CNTNAP2: variants seen among roughly 807,000 people sequenced by gnomAD.
The protein encoded by CNTNAP2 is contactin associated protein 2.
Under a neutral mutation model 155.2 loss-of-function variants are expected in CNTNAP2, and 98 were observed. That is an observed-to-expected ratio of 0.63 (90% CI 0.54 to 0.75). The LOEUF is 0.75. Ranked by LOEUF, CNTNAP2 falls within the 30% of genes least tolerant of loss-of-function variation. The probability of loss-of-function intolerance (pLI) is 0.00; values close to 1 mark genes in which losing one functional copy is unlikely to be tolerated. For synonymous variants in CNTNAP2, 651 were observed against 631.2 expected (o/e 1.03, Z -0.47); for missense variants, 1,727 against 1,688.1 (o/e 1.02, Z -0.40).
intron 15 of CNTNAP2, among the ~76,000 whole-genome samples, chr7:148,069,588 C>T (rs1803340198): frequency 6.6e-6 from 1 of 151,970 alleles, no homozygotes; most frequent in African/African-American, 2.4e-5. Flanking sequence ...CGGTGAAACC[C>T]CGTCTCTACT....
At chr7:147,727,025 G>GTA (rs148335807) in intron 13 of CNTNAP2, among the ~76,000 whole-genome samples, 48,283 of 149,808 alleles carry the variant, frequency 0.32, 8,022 homozygotes, top group Middle Eastern at 0.46. Context: ...GTATATGTGT[G>GTA]TATATATATA....
chr7:148,281,833 T>C (rs1796977444), intron 21 of CNTNAP2, among the ~76,000 whole-genome samples: 2 of 97,214 alleles, frequency 2.1e-5, no homozygotes, highest in African/African-American at 4.1e-5. Flanking sequence ...TCACAACGTT[T>C]CCTTTTTTTT....
chr7:147,927,986 G>C (rs561411170), intron 14 of CNTNAP2, among the ~76,000 whole-genome samples: 1 of 152,166 alleles, frequency 6.6e-6, no homozygotes, highest in Non-Finnish European at 1.5e-5. Flanking sequence ...CATGTGGTGG[G>C]AGGGACCTGG....
rs558059979 is a variant in CNTNAP2 at position 146,538,883 on chromosome 7, A to T, written c.98-235388A>T. Among the ~76,000 whole-genome samples, 6 of 152,272 alleles carry T rather than the reference A, an allele frequency of 3.9e-5. No individual in the cohort carries two copies. The South Asian group carries it at 1.0e-3, about 26-fold the overall frequency. ...TTATAAAATGTAGAAAATCTAAGTT[A>T]TCAAAAGTCTGATCAGTTGTACAAG... is the stretch of plus-strand genomic sequence containing the variant. On this transcript the variant is annotated intron_variant, in intron 1 of 23. Coordinates refer to ENST00000361727, the MANE Select transcript of CNTNAP2 (RefSeq NM_014141.6).
At chr7:146,947,526 T>C (rs1269154721) in intron 3 of CNTNAP2, among the ~76,000 whole-genome samples, 1 of 131,414 alleles carries the variant, frequency 7.6e-6, no homozygotes, top group East Asian at 2.1e-4. Context: ...AGTGTGTATG[T>C]ATGTGTGTGT....
At chr7:148,019,276 T>C (rs182698811) in intron 15 of CNTNAP2, among the ~76,000 whole-genome samples, 1 of 152,314 alleles carries the variant, frequency 6.6e-6, no homozygotes, top group African/African-American at 2.4e-5. Flanking sequence ...AGCATCAGTC[T>C]GGGAATTCTC....
At chr7:146,330,633 A>C (rs1024793345) in intron 1 of CNTNAP2, among the ~76,000 whole-genome samples, 3 of 152,198 alleles carry the variant, frequency 2.0e-5, no homozygotes, top group African/African-American at 7.2e-5. Context: ...CAAACCATAC[A>C]TATATCTGGT....
At chr7:146,961,966 AG>A (rs772159086) in intron 3 of CNTNAP2, among the ~76,000 whole-genome samples, 4 of 152,178 alleles carry the variant, frequency 2.6e-5, no homozygotes, top group Admixed American at 6.5e-5. Flanking sequence ...AGGCAATTAA[AG>A]ACAATTAATG....
intron 21 of CNTNAP2, among the ~76,000 whole-genome samples, chr7:148,342,511 C>A (rs1798254135): frequency 6.6e-6 from 1 of 152,244 alleles, no homozygotes; most frequent in African/African-American, 2.4e-5. Context: ...TTGTCATCCA[C>A]TTTTCATTCT....
intron 1 of CNTNAP2, among the ~76,000 whole-genome samples, chr7:146,506,311 T>C (rs772650216): frequency 2.6e-5 from 4 of 152,214 alleles, no homozygotes; most frequent in African/African-American, 4.8e-5. Flanking sequence ...TTGTGTAACA[T>C]TGGGCAGCTG....
chr7:147,767,779 A>G (rs541084368), intron 13 of CNTNAP2, among the ~76,000 whole-genome samples: 2 of 152,194 alleles, frequency 1.3e-5, no homozygotes, highest in South Asian at 4.1e-4. Context: ...CTTTTCAGAG[A>G]AACAAAGGCT....
At chr7:147,100,655 G>A (rs1342229012) in intron 4 of CNTNAP2, among the ~76,000 whole-genome samples, 1 of 152,182 alleles carries the variant, frequency 6.6e-6, no homozygotes, top group African/African-American at 2.4e-5. Flanking sequence ...TAAGAGTTGT[G>A]TAGCCTTAAA....
At chr7:147,125,914 C>T (rs983210419) in intron 6 of CNTNAP2, among the ~76,000 whole-genome samples, 2 of 152,150 alleles carry the variant, frequency 1.3e-5, no homozygotes, top group Non-Finnish European at 2.9e-5. Flanking sequence ...ATGGCTGCTC[C>T]ACGATCTTCA....
At chr7:148,042,745 C>A (rs1411983446) in intron 15 of CNTNAP2, among the ~76,000 whole-genome samples, 1 of 152,216 alleles carries the variant, frequency 6.6e-6, no homozygotes, top group African/African-American at 2.4e-5. Context: ...TACCTCGTCC[C>A]TCTTCAGCAT....
intron 15 of CNTNAP2, among the ~76,000 whole-genome samples, chr7:148,085,215 G>A (rs1389718325): frequency 2.0e-5 from 3 of 152,158 alleles, no homozygotes; most frequent in East Asian, 1.9e-4. Context: ...GATTATTTAT[G>A]TAAATACATC....
chr7:148,389,090 C>A (rs955654190), intron 22 of CNTNAP2, among the ~76,000 whole-genome samples: 2 of 152,184 alleles, frequency 1.3e-5, no homozygotes, highest in African/African-American at 4.8e-5. Context: ...AGAAATCACC[C>A]ATCTTCTGCG....
intron 3 of CNTNAP2, among the ~76,000 whole-genome samples, chr7:146,976,630 G>A (rs77765323): frequency 0.04 from 6,021 of 152,214 alleles, 144 homozygotes; most frequent in Middle Eastern, 0.085. Flanking sequence ...CCCTCTTTGG[G>A]GACATCACCC....
chr7:147,225,781 AG>A (rs1803511357), intron 8 of CNTNAP2, among the ~76,000 whole-genome samples: 10 of 132,568 alleles, frequency 7.5e-5, no homozygotes, highest in Non-Finnish European at 1.2e-4. Flanking sequence ...GAAGGAAGGA[AG>A]GAAGGAAGGA....
intron 1 of CNTNAP2, among the ~76,000 whole-genome samples, chr7:146,688,797 TAAAAAC>T (rs1007638266): frequency 6.6e-5 from 10 of 152,178 alleles, no homozygotes; most frequent in Middle Eastern, 3.4e-3. Flanking sequence ...TGAAATGACA[TAAAAAC>T]AAAGACTATT....
Sources: gnomAD v4.1 joint callset for allele counts (sites outside exome capture counted in the v4.1 genomes callset) on GRCh38, gnomAD v4.1.1 for gene constraint, MANE v1.5 for transcripts, NCBI Gene and HGNC (gene_info 2026-07-23, HGNC 2026-07-21) for gene names.